Variants in PAK5 observed in about 807,000 individuals in gnomAD.
The protein encoded by PAK5 is serine/threonine-protein kinase PAK 5.
Under a neutral mutation model 65.9 loss-of-function variants are expected in PAK5, and 16 were observed. The ratio of observed to expected loss-of-function variants is 0.24; its 90% CI spans 0.16 to 0.37. PAK5 has a LOEUF of 0.37. Among genes scored for constraint, PAK5 ranks in the 10% least tolerant of loss-of-function variants. The pLI, the probability that PAK5 is intolerant of heterozygous loss-of-function variation, is 1.00. For synonymous variants in PAK5, 371 were observed against 354.9 expected (o/e 1.05, Z -0.51); for missense variants, 785 against 903.9 (o/e 0.87, Z 1.69).
At chr20:9,743,297 G>C (rs896487801) in intron 1 of PAK5, among the ~76,000 whole-genome samples, 11 of 152,126 alleles carry the variant, frequency 7.2e-5, no homozygotes, top group African/African-American at 2.6e-4. Flanking sequence ...TTGAGCCCAG[G>C]AGGTTGAATC....
At position 9,829,806 on chromosome 20, in the gene PAK5, T is replaced by A. The variant is rs73898613; in HGVS notation, c.-162+8956A>T. Among the ~76,000 whole-genome samples the A allele has an allele frequency of 4.7e-3, 721 of 152,326 alleles. 6 individuals carry two copies. Among genetic ancestry groups the A allele is most frequent in the African/African-American group, 0.017 (686 of 41,562 alleles). ...TCTTCCTGGCTTAACAAATATGCCT[T>A]CATAACAACGTAGAAGCCAGATTTA... On this transcript the variant is annotated intron_variant, in intron 1 of 9. Coordinates refer to ENST00000353224, the MANE Select transcript of PAK5 (RefSeq NM_177990.4).
intron 1 of PAK5, among the ~76,000 whole-genome samples, chr20:9,731,248 T>G (rs1396654983): frequency 6.6e-6 from 1 of 152,194 alleles, no homozygotes; most frequent in Non-Finnish European, 1.5e-5. Flanking sequence ...GTCACAAATA[T>G]AATTTTAAAT....
intron 1 of PAK5, among the ~76,000 whole-genome samples, chr20:9,810,149 T>G (rs758103117): frequency 1.3e-5 from 2 of 152,148 alleles, no homozygotes; most frequent in Non-Finnish European, 2.9e-5. Context: ...TGGAGGGCTT[T>G]CAGCACTACA....
intron 3 of PAK5, among the ~76,000 whole-genome samples, chr20:9,593,499 G>A (rs750441642): frequency 9.2e-5 from 14 of 151,928 alleles, no homozygotes; most frequent in Non-Finnish European, 1.8e-4. Flanking sequence ...TTTGCAGAAC[G>A]TGCAGGTTTG....
chr20:9,637,281 C>T (rs1269435293), intron 3 of PAK5, among the ~76,000 whole-genome samples: 2 of 152,264 alleles, frequency 1.3e-5, no homozygotes, highest in South Asian at 2.1e-4. Flanking sequence ...TGCTGGATTA[C>T]AGGCATGTGC....
At chr20:9,743,557 G>A (rs1363197201) in intron 1 of PAK5, among the ~76,000 whole-genome samples, 2 of 152,050 alleles carry the variant, frequency 1.3e-5, no homozygotes, top group East Asian at 1.9e-4. Flanking sequence ...GCAGAAAAGG[G>A]GATCTTTAGG....
intron 2 of PAK5, among the ~76,000 whole-genome samples, chr20:9,680,214 C>T (rs1373320775): frequency 6.6e-6 from 1 of 152,116 alleles, no homozygotes; most frequent in East Asian, 1.9e-4. Flanking sequence ...ATAGTCTCTA[C>T]CATCAAAATG....
intron 1 of PAK5, among the ~76,000 whole-genome samples, chr20:9,777,690 A>T (rs2123690816): frequency 6.6e-6 from 1 of 152,354 alleles, no homozygotes; most frequent in East Asian, 1.9e-4. Context: ...AAGGAAGATC[A>T]TTATATACAT....
At chr20:9,778,993 G>A (rs1198557460) in intron 1 of PAK5, among the ~76,000 whole-genome samples, 1 of 151,922 alleles carries the variant, frequency 6.6e-6, no homozygotes, top group Admixed American at 6.6e-5. Flanking sequence ...ACTTTTCTAG[G>A]TATTATGATG....
At chr20:9,600,553 C>G (rs900872470) in intron 3 of PAK5, among the ~76,000 whole-genome samples, 1 of 152,194 alleles carries the variant, frequency 6.6e-6, no homozygotes, top group African/African-American at 2.4e-5. Context: ...ATTTTAAGCT[C>G]TTTAGCTTCA....
intron 2 of PAK5, among the ~76,000 whole-genome samples, chr20:9,648,306 A>C (rs2047159864): frequency 6.6e-6 from 1 of 152,200 alleles, no homozygotes; most frequent in Admixed American, 6.5e-5. Context: ...GGTTGTGGTT[A>C]ATTCCCCCAG....
chr20:9,831,959 CA>C lies in PAK5; in HGVS notation c.-162+6802del, dbSNP rs373882151. On this transcript the variant is annotated intron_variant, in intron 1 of 9. Coordinates refer to ENST00000353224, the MANE Select transcript of PAK5 (RefSeq NM_177990.4). The stretch of plus-strand genomic sequence containing the variant: ...TTTCACAAAACACATATTAACAATA[CA>C]ATATATGTAGTAGTGCATTTTGTTT... Among the ~76,000 whole-genome samples the C allele has an allele frequency of 1.1e-4, 16 of 152,120 alleles. No individual in the cohort carries two copies. The East Asian group carries it at 2.1e-3, about 20-fold the overall frequency.
intron 1 of PAK5, among the ~76,000 whole-genome samples, chr20:9,821,210 A>G (rs542352378): frequency 1.3e-5 from 2 of 152,066 alleles, no homozygotes; most frequent in African/African-American, 4.8e-5. Flanking sequence ...GTGAAACCCC[A>G]TCTCTACTAA....
In PAK5 at chr20:9,580,962, A is replaced by G. The variant is rs781638665; in HGVS notation, c.205-32T>C. On this transcript the variant is annotated intron_variant, in intron 3 of 9. Coordinates refer to ENST00000353224, the MANE Select transcript of PAK5 (RefSeq NM_177990.4). Reference sequence around the variant, plus strand: ...ATAATAGAGGGAATATTGTTTAAAGAAAATATTTCATGGATTTAAATTGAT... The same window carrying G: ...ATAATAGAGGGAATATTGTTTAAAGGAAATATTTCATGGATTTAAATTGAT... 9 of 1,470,506 alleles carry G rather than the reference A, an allele frequency of 6.1e-6. No individual in the cohort carries two copies. In the South Asian group the frequency reaches 1.1e-4, roughly 18 times the overall value. The allele number at this position is 1,470,506 out of a possible 1,614,324, so 91.1% of individuals were successfully genotyped here. A position where few individuals can be genotyped will look rare whatever the true frequency, so the allele number is the denominator to read the frequency against.
intron 3 of PAK5, among the ~76,000 whole-genome samples, chr20:9,585,638 A>G (rs181496924): frequency 5.1e-4 from 77 of 152,314 alleles, no homozygotes; most frequent in African/African-American, 1.7e-3. Context: ...TCTTTATTTC[A>G]TTACCTGTTC....
chr20:9,753,352 A>G (rs1488168365), intron 1 of PAK5, among the ~76,000 whole-genome samples: 1 of 152,176 alleles, frequency 6.6e-6, no homozygotes, highest in Admixed American at 6.5e-5. Flanking sequence ...ATTATCATCA[A>G]AAAAGGCCAT....
chr20:9,680,304 T>G (rs972317701), intron 2 of PAK5, among the ~76,000 whole-genome samples: 14 of 152,200 alleles, frequency 9.2e-5, no homozygotes, highest in African/African-American at 3.1e-4. Flanking sequence ...TGTCTTAGTT[T>G]GGGTTCTCAG....
At chr20:9,640,144 G>T (rs942183844) in intron 3 of PAK5, among the ~76,000 whole-genome samples, 2 of 151,570 alleles carry the variant, frequency 1.3e-5, no homozygotes, top group East Asian at 1.9e-4. Context: ...CCATGTTGGT[G>T]TGCTGCACCC....
chr20:9,834,204 G>A (rs1301926672), intron 1 of PAK5, among the ~76,000 whole-genome samples: 1 of 152,104 alleles, frequency 6.6e-6, no homozygotes, highest in Non-Finnish European at 1.5e-5. Flanking sequence ...ACCCTTTTAT[G>A]AGACTAATAT....
Sources: gnomAD v4.1 joint callset for allele counts (sites outside exome capture counted in the v4.1 genomes callset) on GRCh38, gnomAD v4.1.1 for gene constraint, MANE v1.5 for transcripts, NCBI Gene and HGNC (gene_info 2026-07-23, HGNC 2026-07-21) for gene names.